The following RPS6KA5 variants were observed in gnomAD, a reference collection of about 807,000 sequenced individuals.
The protein encoded by RPS6KA5 is ribosomal protein S6 kinase A5.
Under a neutral mutation model 85.5 loss-of-function variants are expected in RPS6KA5, and 27 were observed. That is an observed-to-expected ratio of 0.32 (90% confidence interval 0.23 to 0.44). RPS6KA5 has a LOEUF of 0.44. Ranked by LOEUF, RPS6KA5 falls within the 20% of genes least tolerant of loss-of-function variation. The pLI is 1.00. For synonymous variants in RPS6KA5, 334 were observed against 348.2 expected, an observed-to-expected ratio of 0.96 and a Z score of 0.46; for missense variants, 811 against 980.9, an observed-to-expected ratio of 0.83 and a Z score of 2.31.
chr14:90,910,693 T>A (rs1160628554), intron 7 of RPS6KA5, among the ~76,000 whole-genome samples: 9 of 150,318 alleles, frequency 6.0e-5, no homozygotes, highest in South Asian at 2.1e-4. Context: ...TTATTTTTTT[T>A]TTTTTTTTTT....
At chr14:91,004,247 G>A (rs562194946) in intron 1 of RPS6KA5, among the ~76,000 whole-genome samples, 8 of 152,144 alleles carry the variant, frequency 5.3e-5, no homozygotes, top group East Asian at 1.9e-4. Context: ...CACCACGCCC[G>A]GCTAATTTTT....
chr14:90,902,195 A>AAT (rs1555359895), intron 9 of RPS6KA5, among the ~76,000 whole-genome samples: 3 of 150,148 alleles, frequency 2.0e-5, no homozygotes, highest in African/African-American at 7.4e-5. Context: ...AAAAAAAAAA[A>AAT]TTTTTTTGGC....
rs1046206741 is a variant in RPS6KA5, at chr14:90,871,134, C to T, written c.*940G>A. ...GTTTAATTTCCCTTTAGGTTTTCCT[C>T]ACATTGGTGCATAAGTGGCTGACTA... On this transcript the variant is annotated 3_prime_UTR_variant, in exon 17 of 17. Transcript: ENST00000614987. The T allele has an allele frequency of 6.6e-6, 1 of 152,472 alleles. No individual in the cohort carries two copies. Among genetic ancestry groups the T allele is most frequent in the Non-Finnish European group, 1.5e-5 (1 of 68,012 alleles). The allele number at this position is 152,472 out of a possible 1,614,324, so 9.4% of individuals were successfully genotyped here. A position where few individuals can be genotyped will look rare whatever the true frequency, so the allele number is the denominator to read the frequency against.
At chr14:90,969,149 A>G (rs1367164286) in intron 3 of RPS6KA5, among the ~76,000 whole-genome samples, 2 of 152,218 alleles carry the variant, frequency 1.3e-5, no homozygotes, top group Non-Finnish European at 2.9e-5. Context: ...TTTGTTTCTT[A>G]AAACAGTAAA....
chr14:91,042,503 C>A (rs1381897415), intron 1 of RPS6KA5, among the ~76,000 whole-genome samples: 1 of 151,910 alleles, frequency 6.6e-6, no homozygotes, highest in African/African-American at 2.4e-5. Context: ...GAGTGAGACT[C>A]CATCTCAAAA....
chr14:90,936,147 G>A (rs1205053851), intron 5 of RPS6KA5, among the ~76,000 whole-genome samples: 2 of 152,198 alleles, frequency 1.3e-5, no homozygotes, highest in Non-Finnish European at 2.9e-5. Flanking sequence ...GAGCTTGATC[G>A]AATTTTCTGG....
At chr14:90,932,668 A>G (rs2037046919) in intron 5 of RPS6KA5, among the ~76,000 whole-genome samples, 1 of 152,186 alleles carries the variant, frequency 6.6e-6, no homozygotes, top group Non-Finnish European at 1.5e-5. Flanking sequence ...ATGTGTGCCT[A>G]GTAACTCAAC....
At chr14:90,905,414 CAT>C (rs1356544062) in intron 8 of RPS6KA5, among the ~76,000 whole-genome samples, 3 of 152,132 alleles carry the variant, frequency 2.0e-5, no homozygotes, top group African/African-American at 7.2e-5. Context: ...ATTTAAAAGT[CAT>C]ATCTCCAGAG....
intron 7 of RPS6KA5, among the ~76,000 whole-genome samples, chr14:90,908,997 G>A (rs2035658627): frequency 6.6e-6 from 1 of 152,232 alleles, no homozygotes; most frequent in Non-Finnish European, 1.5e-5. Flanking sequence ...CGATGAAGAT[G>A]TGTTTGATGC....
intron 3 of RPS6KA5, among the ~76,000 whole-genome samples, chr14:90,976,927 A>G (rs1006254874): frequency 6.6e-6 from 1 of 152,210 alleles, no homozygotes; most frequent in Admixed American, 6.5e-5. Flanking sequence ...GGCCAAATAT[A>G]TATTAAAAAA....
rs1290682865 is a variant in RPS6KA5 at position 90,982,972 on chromosome 14, G to A, written c.176-4448C>T. 4.6e-5 allele frequency among the ~76,000 whole-genome samples: 7 copies of A among 152,252 alleles called. No homozygotes were observed. In the South Asian group the frequency reaches 1.2e-3, roughly 27 times the overall value. The stretch of plus-strand genomic sequence containing the variant: ...ACTAAAAATACAAAAAATTAGGCAG[G>A]GGTCGTGGTGGGCACCTGTGGTCCC... On this transcript the variant is annotated intron_variant, in intron 2 of 16. Coordinates refer to ENST00000614987, the MANE Select transcript of RPS6KA5 (RefSeq NM_004755.4).
At chr14:90,926,288 G>C (rs918388338) in intron 5 of RPS6KA5, among the ~76,000 whole-genome samples, 14 of 151,736 alleles carry the variant, frequency 9.2e-5, no homozygotes, top group African/African-American at 3.1e-4. Flanking sequence ...CTATTCAGGA[G>C]GCTGAGGCAG....
At position 90,859,903 on chromosome 14, in the gene RPS6KA5, T is replaced by G. The variant is rs910271238; in HGVS notation, c.*12171A>C. 1 of 150,066 alleles carries G rather than the reference T, an allele frequency of 6.7e-6. No homozygotes were observed. The highest frequency in any genetic ancestry group is 1.5e-5 in the Non-Finnish European group (1 of 67,556). The allele number at this position is 150,066 out of a possible 1,614,324, so 9.3% of individuals were successfully genotyped here. A position where few individuals can be genotyped will look rare whatever the true frequency, so the allele number is the denominator to read the frequency against. ...GCATGTTCTCACTCATAAGTGGGAG[T>G]TGAACAATGAGAACACATGGAAACA... is the stretch of plus-strand genomic sequence containing the variant. On this transcript the variant is annotated 3_prime_UTR_variant, in exon 17 of 17. Coordinates refer to ENST00000614987, the MANE Select transcript of RPS6KA5 (RefSeq NM_004755.4).
intron 14 of RPS6KA5, among the ~76,000 whole-genome samples, chr14:90,880,569 A>G (rs962343696): frequency 1.3e-5 from 2 of 152,138 alleles, no homozygotes; most frequent in African/African-American, 4.8e-5. Context: ...GTATGTGTCC[A>G]TTAGATCTAG....
intron 5 of RPS6KA5, among the ~76,000 whole-genome samples, chr14:90,939,677 G>A (rs2037468785): frequency 1.3e-5 from 2 of 152,120 alleles, no homozygotes; most frequent in Non-Finnish European, 2.9e-5. Context: ...ATTAGGTCTC[G>A]TGAGACTTAT....
chr14:91,014,220 G>A (rs1041126447), intron 1 of RPS6KA5, among the ~76,000 whole-genome samples: 3 of 152,024 alleles, frequency 2.0e-5, no homozygotes, highest in Non-Finnish European at 4.4e-5. Flanking sequence ...AGTATTATAA[G>A]GCCGGGGTAC....
intron 1 of RPS6KA5, among the ~76,000 whole-genome samples, chr14:91,044,132 C>T (rs1044237069): frequency 2.6e-5 from 4 of 151,698 alleles, no homozygotes; most frequent in Non-Finnish European, 5.9e-5. Flanking sequence ...GAGGCTCAGG[C>T]AGGAGAATCG....
At position 90,978,614 on chromosome 14, in the gene RPS6KA5, A is replaced by G. The variant is rs913057483; in HGVS notation, c.176-90T>C. 8 of 962,790 alleles carry G rather than the reference A, an allele frequency of 8.3e-6. No homozygotes were observed. The South Asian group carries it at 1.5e-4, about 18-fold the overall frequency. The allele number at this position is 962,790 out of a possible 1,614,324, so 59.6% of individuals were successfully genotyped here. ...CAACTAAATTTATTTAATGCACAAA[A>G]AATACACTCTTTAAAGGAAAAAGTA... On this transcript the variant is annotated intron_variant, in intron 2 of 16. Transcript: ENST00000614987.
At position 90,960,791 on chromosome 14, in the gene RPS6KA5, G is replaced by T. The variant is rs147047885; in HGVS notation, c.395-13241C>A. 3.0e-4 allele frequency among the ~76,000 whole-genome samples: 45 copies of T among 152,242 alleles called. No individual in the cohort carries two copies. The East Asian group carries it at 8.3e-3, about 28-fold the overall frequency. ...TCTGTCATTTCTTCCACAAAAAATT[G>T]TAAGCTTGAGCATTCTTGAATTTTT... On this transcript the variant is annotated intron_variant, in intron 3 of 16. Coordinates refer to ENST00000614987, the MANE Select transcript of RPS6KA5 (RefSeq NM_004755.4).
Sources: allele counts gnomAD v4.1 joint callset (sites outside exome capture counted in the v4.1 genomes callset), GRCh38; gene constraint gnomAD v4.1.1; transcripts MANE v1.5; gene names NCBI Gene and HGNC (gene_info 2026-07-23, HGNC 2026-07-21).